CAST: variants seen among roughly 807,000 people sequenced by gnomAD.
CAST encodes MIR583 host.
A neutral mutation model predicts 119.6 loss-of-function variants in CAST; 76 were observed. That is an observed-to-expected ratio of 0.64 (90% CI 0.53 to 0.77). The LOEUF (loss-of-function observed/expected upper bound fraction) is 0.77, where lower values mean the gene tolerates loss of function less well. CAST is among the 30% of genes least tolerant of loss of function. CAST has a pLI of 0.00. For synonymous variants in CAST, 319 were observed against 331.6 expected (o/e 0.96, Z 0.41); for missense variants, 953 against 946.5 (o/e 1.01, Z -0.09).
intron 1 of CAST, among the ~76,000 whole-genome samples, chr5:96,594,984 T>C (rs776359022): frequency 6.6e-6 from 1 of 152,202 alleles, no homozygotes; most frequent in Non-Finnish European, 1.5e-5. Flanking sequence ...GTCCTGAGTG[T>C]GTCAAATATG....
At chr5:96,421,739 C>A in the CAST span, 1 of 679,108 alleles carries the variant, frequency 1.5e-6, no homozygotes, top group Admixed American at 2.3e-5. Flanking sequence ...GTTTTAAAAG[C>A]AACAAAATAT....
intron 19 of CAST, 57 bp downstream of exon 19, chr5:96,748,670 TTG>T (rs544719785): frequency 1.2e-6 from 1 of 827,274 alleles, no homozygotes; most frequent in Non-Finnish European, 2.0e-6. Context: ...TAAAAAAAAA[TTG>T]TGAGACAGAC....
At chr5:96,347,428 A>G in the CAST span, among the ~76,000 whole-genome samples, 2 of 152,286 alleles carry the variant, frequency 1.3e-5, no homozygotes, top group Non-Finnish European at 2.9e-5. Context: ...CACAAAGTGG[A>G]TGACCAGGTG....
At chr5:96,568,096 T>C (rs1273629779) in intron 1 of CAST, among the ~76,000 whole-genome samples, 1 of 152,176 alleles carries the variant, frequency 6.6e-6, no homozygotes, top group East Asian at 1.9e-4. Flanking sequence ...TGAAAACCTC[T>C]TTTCTGGGTA....
chr5:96,367,078 T>G, the CAST span, among the ~76,000 whole-genome samples: 1 of 152,246 alleles, frequency 6.6e-6, no homozygotes, highest in Admixed American at 6.5e-5. Flanking sequence ...TCTGTTGGAG[T>G]TTGCTTGAGG....
the CAST span, among the ~76,000 whole-genome samples, chr5:96,275,450 G>A: frequency 6.6e-6 from 1 of 152,200 alleles, no homozygotes; most frequent in Admixed American, 6.5e-5. Context: ...TGACAGAGTT[G>A]TTGGAATGTC....
At chr5:96,499,072 A>G in the CAST span, among the ~76,000 whole-genome samples, 1 of 152,094 alleles carries the variant, frequency 6.6e-6, no homozygotes, top group East Asian at 1.9e-4. Context: ...AAACATTGGC[A>G]AGCTTAGGGT....
the CAST span, among the ~76,000 whole-genome samples, chr5:96,087,162 C>T: frequency 4.6e-5 from 7 of 152,122 alleles, 1 homozygote; most frequent in African/African-American, 1.7e-4. Flanking sequence ...GACAGTATTC[C>T]GTAAGTGTTG....
the CAST span, among the ~76,000 whole-genome samples, chr5:96,092,724 C>A: frequency 6.6e-6 from 1 of 152,192 alleles, no homozygotes; most frequent in East Asian, 1.9e-4. Context: ...GACCCTGAAG[C>A]TTTTCTATTT....
At chr5:96,510,415 T>C in the CAST span, among the ~76,000 whole-genome samples, 10 of 152,350 alleles carry the variant, frequency 6.6e-5, no homozygotes, top group African/African-American at 2.2e-4. Flanking sequence ...CGATTATTAA[T>C]GTTTCTTATT....
At chr5:96,368,112 T>C in the CAST span, among the ~76,000 whole-genome samples, 1 of 152,102 alleles carries the variant, frequency 6.6e-6, no homozygotes, top group African/African-American at 2.4e-5. Flanking sequence ...TTTAATTACT[T>C]TTCTTTTTTT....
chr5:96,523,397 A>G (rs564648243), upstream of CAST, among the ~76,000 whole-genome samples: 42 of 152,338 alleles, frequency 2.8e-4, 1 homozygote, highest in East Asian at 1.9e-4. Flanking sequence ...TCATATTGTT[A>G]TTTGAAACCA....
At chr5:96,056,321 T>TG in the CAST span, among the ~76,000 whole-genome samples, 4 of 152,176 alleles carry the variant, frequency 2.6e-5, no homozygotes, top group Admixed American at 6.6e-5. Context: ...ATTGCTTCTT[T>TG]GGGGTAACTA....
chr5:96,142,304 C>T, the CAST span, among the ~76,000 whole-genome samples: 3 of 151,936 alleles, frequency 2.0e-5, no homozygotes, highest in East Asian at 3.9e-4. Flanking sequence ...CCCAGCTACT[C>T]GGGAGGCTGA....
chr5:96,119,279 A>AT, the CAST span, among the ~76,000 whole-genome samples: 1 of 151,978 alleles, frequency 6.6e-6, no homozygotes, highest in Non-Finnish European at 1.5e-5. Context: ...GTTGAAAAAA[A>AT]TTTTTAAAAG....
the CAST span, among the ~76,000 whole-genome samples, chr5:96,177,714 G>A: frequency 6.6e-6 from 1 of 152,158 alleles, no homozygotes; most frequent in Non-Finnish European, 1.5e-5. Flanking sequence ...TTAGAAAAAG[G>A]AGGAACTGAT....
the CAST span, among the ~76,000 whole-genome samples, chr5:96,196,102 C>A: frequency 6.6e-6 from 1 of 152,228 alleles, no homozygotes. Flanking sequence ...CTATCCCAAA[C>A]TCTGTGTAGA....
At chr5:96,250,351 G>A in the CAST span, among the ~76,000 whole-genome samples, 1 of 152,132 alleles carries the variant, frequency 6.6e-6, no homozygotes, top group South Asian at 2.1e-4. Flanking sequence ...GACCTTCTAG[G>A]TTTCTTCTCT....
At chr5:96,549,545 C>G (rs1169870942) in intron 1 of CAST, among the ~76,000 whole-genome samples, 1 of 152,156 alleles carries the variant, frequency 6.6e-6, no homozygotes, top group Non-Finnish European at 1.5e-5. Flanking sequence ...ACTGGTTGTA[C>G]AGTGGGTGAA....
Sources: gnomAD v4.1 joint callset for allele counts (sites outside exome capture counted in the v4.1 genomes callset) on GRCh38, gnomAD v4.1.1 for gene constraint, MANE v1.5 for transcripts, NCBI Gene and HGNC (gene_info 2026-07-23, HGNC 2026-07-21) for gene names.